PLXDC2: variants seen among roughly 807,000 people sequenced by gnomAD.
PLXDC2 encodes plexin domain-containing protein 2.
Under a neutral mutation model 68.9 loss-of-function variants are expected in PLXDC2, and 40 were observed. That is an observed-to-expected ratio of 0.58 (90% confidence interval 0.45 to 0.76). The LOEUF (loss-of-function observed/expected upper bound fraction) is 0.76. Among genes scored for constraint, PLXDC2 ranks in the 30% least tolerant of loss-of-function variants. PLXDC2 has a pLI of 0.00. For synonymous variants in PLXDC2, 243 were observed against 234.2 expected, an observed-to-expected ratio of 1.04 and a Z score of -0.34; for missense variants, 644 against 661.9, an observed-to-expected ratio of 0.97 and a Z score of 0.30.
chr10:20,093,166 G>GA (rs1190578954), intron 4 of PLXDC2, among the ~76,000 whole-genome samples: 1 of 151,986 alleles, frequency 6.6e-6, no homozygotes, highest in South Asian at 2.1e-4. Context: ...CAAGTCTAGG[G>GA]AAAAAATGAG....
intron 1 of PLXDC2, among the ~76,000 whole-genome samples, chr10:19,882,173 A>G (rs749988703): frequency 3.3e-5 from 5 of 152,226 alleles, no homozygotes; most frequent in Non-Finnish European, 7.3e-5. Flanking sequence ...ACTGTTTAAA[A>G]TAAGATTCAG....
intron 1 of PLXDC2, among the ~76,000 whole-genome samples, chr10:19,955,198 CA>C (rs1834049927): frequency 7.8e-6 from 1 of 128,640 alleles, no homozygotes; most frequent in Admixed American, 7.7e-5. Flanking sequence ...GCTCATTTTT[CA>C]ATTTTTTTTT....
intron 1 of PLXDC2, among the ~76,000 whole-genome samples, chr10:19,990,311 A>G (rs569856280): frequency 7.9e-5 from 12 of 152,288 alleles, no homozygotes; most frequent in Non-Finnish European, 1.8e-4. Flanking sequence ...TTGTTTTTCA[A>G]TTATTTTATG....
chr10:19,883,847 T>A (rs1837785247), intron 1 of PLXDC2, among the ~76,000 whole-genome samples: 1 of 149,482 alleles, frequency 6.7e-6, no homozygotes, highest in Admixed American at 6.7e-5. Flanking sequence ...TTTAGATCAG[T>A]GATGTGCAAA....
chr10:19,979,883 A>G (rs1308680930), intron 1 of PLXDC2, among the ~76,000 whole-genome samples: 1 of 152,194 alleles, frequency 6.6e-6, no homozygotes, highest in Non-Finnish European at 1.5e-5. Context: ...AAGCCCAGAT[A>G]ATTCAGACTG....
intron 13 of PLXDC2, among the ~76,000 whole-genome samples, chr10:20,263,441 A>T (rs888018661): frequency 6.6e-6 from 1 of 152,208 alleles, no homozygotes; most frequent in African/African-American, 2.4e-5. Flanking sequence ...CCTGACATAG[A>T]AACGGGCAAA....
chr10:19,889,315 A>G (rs1589521248), intron 1 of PLXDC2, among the ~76,000 whole-genome samples: 2 of 151,966 alleles, frequency 1.3e-5, no homozygotes, highest in African/African-American at 2.4e-5. Flanking sequence ...CACTCCTGCT[A>G]TTAATCATGC....
intron 1 of PLXDC2, among the ~76,000 whole-genome samples, chr10:19,901,917 T>C (rs1252974361): frequency 6.6e-6 from 1 of 152,192 alleles, no homozygotes; most frequent in Non-Finnish European, 1.5e-5. Context: ...CCCAGCACCA[T>C]TTGTTGAATA....
intron 1 of PLXDC2, among the ~76,000 whole-genome samples, chr10:19,924,475 A>T (rs1000131832): frequency 6.6e-6 from 1 of 152,144 alleles, no homozygotes. Flanking sequence ...GACATTTCTG[A>T]TGAGCGAAGG....
chr10:19,963,726 T>C (rs1484093214), intron 1 of PLXDC2, among the ~76,000 whole-genome samples: 2 of 152,086 alleles, frequency 1.3e-5, no homozygotes, highest in East Asian at 3.9e-4. Flanking sequence ...TTAGGAGATA[T>C]GCCTAATTTA....
chr10:19,829,411 A>G (rs1836641907), intron 1 of PLXDC2, among the ~76,000 whole-genome samples: 1 of 152,108 alleles, frequency 6.6e-6, no homozygotes, highest in Non-Finnish European at 1.5e-5. Context: ...TCACTCATGC[A>G]AAGAGTTTTG....
intron 4 of PLXDC2, among the ~76,000 whole-genome samples, chr10:20,088,831 A>G (rs1289814894): frequency 1.3e-5 from 2 of 152,224 alleles, no homozygotes; most frequent in African/African-American, 4.8e-5. Context: ...AATGCTAAAC[A>G]CTCAATGAAA....
intron 1 of PLXDC2, among the ~76,000 whole-genome samples, chr10:19,971,928 C>T (rs1365653261): frequency 6.6e-6 from 1 of 151,928 alleles, no homozygotes; most frequent in Non-Finnish European, 1.5e-5. Flanking sequence ...TCTGATTGGG[C>T]AGGGGCGGCT....
At chr10:20,102,266 A>G (rs1833433802) in intron 4 of PLXDC2, among the ~76,000 whole-genome samples, 1 of 152,218 alleles carries the variant, frequency 6.6e-6, no homozygotes, top group South Asian at 2.1e-4. Context: ...CGCCTAGACA[A>G]CATCTTACAT....
chr10:20,193,840 G>T (rs1022576291), intron 9 of PLXDC2, among the ~76,000 whole-genome samples: 46 of 152,018 alleles, frequency 3.0e-4, no homozygotes, highest in African/African-American at 1.1e-3. Context: ...CACATGAGCT[G>T]CATAACAGTC....
intron 1 of PLXDC2, 71 bp downstream of exon 1, chr10:19,817,262 C>T: frequency 8.1e-7 from 1 of 1,232,176 alleles, no homozygotes; most frequent in Non-Finnish European, 1.2e-6. Context: ...CTCGTGCTCC[C>T]TACCCTCTCC....
chr10:20,029,234 A>G (rs1378540908), intron 2 of PLXDC2, among the ~76,000 whole-genome samples: 1 of 152,108 alleles, frequency 6.6e-6, no homozygotes, highest in East Asian at 1.9e-4. Context: ...GTTATCTTCT[A>G]CTGGTTTGGA....
chr10:20,174,352 T>C (rs774267626), intron 7 of PLXDC2, among the ~76,000 whole-genome samples: 15 of 152,174 alleles, frequency 9.9e-5, no homozygotes, highest in Non-Finnish European at 2.1e-4. Flanking sequence ...GAAACCTTAC[T>C]ATGTACCATG....
intron 5 of PLXDC2, among the ~76,000 whole-genome samples, chr10:20,147,151 T>C (rs1266033443): frequency 2.0e-5 from 3 of 152,150 alleles, no homozygotes; most frequent in Non-Finnish European, 4.4e-5. Context: ...CAGAATATAA[T>C]ATACAGCACT....
Sources: gnomAD v4.1 joint callset for allele counts (sites outside exome capture counted in the v4.1 genomes callset) on GRCh38, gnomAD v4.1.1 for gene constraint, MANE v1.5 for transcripts, NCBI Gene and HGNC (gene_info 2026-07-23, HGNC 2026-07-21) for gene names.